Variants in HSP90AA1 observed in about 807,000 individuals in gnomAD.
HSP90AA1 encodes the protein heat shock protein HSP 90-alpha.
HSP90AA1 carries 18 observed loss-of-function variants against 73.3 expected under a neutral mutation model. The ratio of observed to expected loss-of-function variants is 0.25; its 90% CI spans 0.17 to 0.36. HSP90AA1 has a LOEUF of 0.36. Ranked by LOEUF, HSP90AA1 falls within the 10% of genes least tolerant of loss-of-function variation. The pLI is 1.00. For synonymous variants in HSP90AA1, 477 were observed against 296.9 expected, an observed-to-expected ratio of 1.61 and a Z score of -6.24; for missense variants, 704 against 874.2, an observed-to-expected ratio of 0.81 and a Z score of 2.45.
exon 1 of HSP90AA1, chr14:102,139,290 C>T (rs377542642): frequency 1.5e-4 from 238 of 1,613,916 alleles, no homozygotes; most frequent in Non-Finnish European, 1.9e-4. Context: ...GAGGGGCTTC[C>T]TGGGCGGGGA....
Position 102,082,130 on chromosome 14 carries a change from C to T in HSP90AA1, c.2070G>A (p.Arg690=). 3 of 1,612,500 alleles carry T rather than the reference C, an allele frequency of 1.9e-6. No individual in the cohort carries two copies. Among genetic ancestry groups the T allele is most frequent in the Non-Finnish European group, 2.5e-6 (3 of 1,178,580 alleles). The change falls in exon 10 of 11, where the codon AGG becomes AGA. Residue 690 remains arginine (R), a synonymous_variant. Coordinates refer to ENST00000216281, the MANE Select transcript of HSP90AA1 (RefSeq NM_005348.4). ...GCTTACCCAGACCAAGTTTGATCAT[C>T]CTGTAGATCCTGTTAGCATGTGTCT... ...DPQTHANRIY[R]MIKLGLGIDE...
chr14:102,115,852 T>C (rs995519954), intron 1 of HSP90AA1, among the ~76,000 whole-genome samples: 2 of 152,160 alleles, frequency 1.3e-5, no homozygotes, highest in African/African-American at 4.8e-5. Context: ...CAACTGAAGC[T>C]CCTGCCTCAG....
chr14:102,133,485 C>CTTTT lies in HSP90AA1; in HGVS notation c.155+5761_155+5764dup, dbSNP rs34704566. Among the ~76,000 whole-genome samples, 9 of 134,326 alleles carry CTTTT rather than the reference C, an allele frequency of 6.7e-5. 1 individual carries two copies. In the Middle Eastern group the frequency reaches 0.011, roughly 167 times the overall value. The allele number at this position is 134,326 out of a possible 152,430, so 88.1% of individuals were successfully genotyped here. A position where few individuals can be genotyped will look rare whatever the true frequency, so the allele number is the denominator to read the frequency against. On this transcript the variant is annotated intron_variant, in intron 1 of 11. Transcript: ENST00000334701. ...GGTGAGAATGGGATTTAAACTAGTT[C>CTTTT]TTTTTTTTTTTTTTTGAGATGGAGT...
intron 4 of HSP90AA1, 132 bp downstream of exon 4, chr14:102,085,164 TAC>T (rs2049195562): frequency 4.2e-6 from 6 of 1,445,624 alleles, no homozygotes; most frequent in East Asian, 4.5e-5. Flanking sequence ...GAGGAACTTT[TAC>T]AGAGTTAGGT....
At chr14:102,081,950 C>T in intron 10 of HSP90AA1, 129 bp from the exon 11 acceptor site, 3 of 774,066 alleles carry the variant, frequency 3.9e-6, no homozygotes, top group East Asian at 2.5e-5. Context: ...CATTTCTTTG[C>T]TCTTGTAAGA....
Position 102,118,066 on chromosome 14 carries a change from C to T in HSP90AA1, c.156-15981G>A, listed in dbSNP as rs183098806. On this transcript the variant is annotated intron_variant, in intron 1 of 11. Coordinates refer to the HSP90AA1 transcript ENST00000334701. ...CTGCACAGTGGCTGGACTCCACGCT[C>T]GTTCATACACCCCTCACTGCTCCAT... Among the ~76,000 whole-genome samples, 64 of 152,294 alleles carry T rather than the reference C, an allele frequency of 4.2e-4. 2 individuals carry two copies. Among genetic ancestry groups the T allele is most frequent in the East Asian group, 1.9e-3 (10 of 5,178 alleles).
intron 1 of HSP90AA1, among the ~76,000 whole-genome samples, chr14:102,112,268 G>A (rs1210465829): frequency 2.0e-5 from 3 of 152,160 alleles, no homozygotes; most frequent in Admixed American, 6.5e-5. Flanking sequence ...TGCCTCCTGG[G>A]TTCAAGCAAT....
intron 2 of HSP90AA1, among the ~76,000 whole-genome samples, chr14:102,098,550 G>A (rs1010348386): frequency 7.3e-6 from 1 of 136,544 alleles, no homozygotes; most frequent in South Asian, 2.5e-4. Context: ...CACAACCTCC[G>A]ACTCCCTGGT....
chr14:102,110,124 AG>A (rs2049619860), intron 1 of HSP90AA1, among the ~76,000 whole-genome samples: 1 of 151,846 alleles, frequency 6.6e-6, no homozygotes, highest in Admixed American at 6.6e-5. Flanking sequence ...TAGTAGAGAC[AG>A]GGTTTCACCA....
intron 1 of HSP90AA1, among the ~76,000 whole-genome samples, 163 bp downstream of exon 1, chr14:102,086,823 G>A (rs909634296): frequency 5.3e-5 from 8 of 151,764 alleles, no homozygotes; most frequent in Non-Finnish European, 8.8e-5. Context: ...TGCGGAAACC[G>A]CAGCGGTCCC....
chr14:102,098,781 C>A (rs568367224), intron 2 of HSP90AA1, among the ~76,000 whole-genome samples: 1 of 151,960 alleles, frequency 6.6e-6, no homozygotes, highest in African/African-American at 2.4e-5. Context: ...CTGTAACCTC[C>A]GCCTCCGGGG....
At chr14:102,100,892 A>C (rs1285807285) in intron 2 of HSP90AA1, among the ~76,000 whole-genome samples, 5 of 152,200 alleles carry the variant, frequency 3.3e-5, no homozygotes, top group Non-Finnish European at 5.9e-5. Context: ...AAAGAAACTG[A>C]CCAGCTTCAA....
At position 102,086,027 on chromosome 14, in the gene HSP90AA1, C is replaced by T. The variant is rs2049222389; in HGVS notation, c.260G>A (p.Arg87Gln). The change falls in exon 3 of 11, where the codon CGA becomes CAA. Residue 87 changes from arginine (R) to glutamine (Q), a missense_variant. By Grantham distance (43) the Arg-to-Gln change is conservative. Transcript: ENST00000216281. ...TCCAGTATCCACAATAGTGAGAGTT[C>T]GATCTTGTTTGTTCGGTATAAGGTT... The part of the protein sequence containing the change: ...HINLIPNKQD[R>Q]TLTIVDTGIG... 6.2e-7 allele frequency: 1 copy of T among 1,613,892 alleles called. No homozygotes were observed. Among genetic ancestry groups the T allele is most frequent in the South Asian group, 1.1e-5 (1 of 91,070 alleles).
At chr14:102,120,365 C>T (rs1188338326) in intron 1 of HSP90AA1, among the ~76,000 whole-genome samples, 1 of 151,924 alleles carries the variant, frequency 6.6e-6, no homozygotes, top group Non-Finnish European at 1.5e-5. Flanking sequence ...TCCCACCCTC[C>T]CCCACGAAAA....
intron 1 of HSP90AA1, among the ~76,000 whole-genome samples, chr14:102,106,241 T>G (rs2049566244): frequency 6.6e-6 from 1 of 152,214 alleles, no homozygotes; most frequent in African/African-American, 2.4e-5. Flanking sequence ...TCTTGACCAC[T>G]AAAAGCATCT....
chr14:102,094,209 C>G (rs1228790166), intron 2 of HSP90AA1, among the ~76,000 whole-genome samples: 2 of 152,238 alleles, frequency 1.3e-5, no homozygotes, highest in Non-Finnish European at 2.9e-5. Flanking sequence ...AGCCGGCAAA[C>G]TCGTTCCCCT....
chr14:102,097,929 G>T lies in HSP90AA1; in HGVS notation c.366+3946C>A, dbSNP rs1216170742. On this transcript the variant is annotated intron_variant, in intron 2 of 11. Coordinates refer to the HSP90AA1 transcript ENST00000334701. ...GCTTCTGCCCTCATCTCCAAACCCTGCAATAAAAGGCCCTCCCACCCCAGC... is the reference window on the plus strand; with the variant it reads ...GCTTCTGCCCTCATCTCCAAACCCTTCAATAAAAGGCCCTCCCACCCCAGC... Among the ~76,000 whole-genome samples the T allele has an allele frequency of 3.3e-5, 5 of 152,068 alleles. No individual in the cohort carries two copies. The East Asian group carries it at 9.6e-4, about 29-fold the overall frequency.
chr14:102,089,625 T>C (rs1322508392), upstream of HSP90AA1, among the ~76,000 whole-genome samples: 1 of 152,002 alleles, frequency 6.6e-6, no homozygotes, highest in Non-Finnish European at 1.5e-5. Context: ...ATAGAACTTG[T>C]GTGCAGATGA....
intron 1 of HSP90AA1, among the ~76,000 whole-genome samples, chr14:102,122,806 T>G (rs2049795718): frequency 6.6e-6 from 1 of 151,796 alleles, no homozygotes; most frequent in Non-Finnish European, 1.5e-5. Context: ...TAGCTGGGAT[T>G]ACAGGTGCCT....
Sources: allele counts gnomAD v4.1 joint callset (sites outside exome capture counted in the v4.1 genomes callset), GRCh38; gene constraint gnomAD v4.1.1; transcripts MANE v1.5; gene names NCBI Gene and HGNC (gene_info 2026-07-23, HGNC 2026-07-21).